The following SLC45A4 variants were observed in gnomAD, a reference collection of about 807,000 sequenced individuals.
The protein encoded by SLC45A4 is solute carrier family 45 member 4.
SLC45A4 carries 32 observed loss-of-function variants against 63.7 expected under a neutral mutation model. That is an observed-to-expected ratio of 0.50 (90% CI 0.38 to 0.67). The LOEUF is 0.67. Ranked by LOEUF, SLC45A4 falls within the 30% of genes least tolerant of loss-of-function variation. The probability of loss-of-function intolerance (pLI) is 0.00; values close to 1 mark genes in which losing one functional copy is unlikely to be tolerated. For missense variants in SLC45A4, 1,027 were observed against 1,157.7 expected, an observed-to-expected ratio of 0.89 and a Z score of 1.64; for synonymous variants, 535 against 510.0, an observed-to-expected ratio of 1.05 and a Z score of -0.66.
At position 141,212,563 on chromosome 8, in the gene SLC45A4, G is replaced by C; in HGVS notation, c.1942-7C>G. On this transcript the variant is annotated splice_region_variant and splice_polypyrimidine_tract_variant and intron_variant, in intron 7 of 8. Transcript: ENST00000517878. The stretch of plus-strand genomic sequence containing the variant: ...CGGGGCTGTGGTGGATGTACTGCAA[G>C]AGAGGAAACACGAGGCGGTGAGCGG... 1 of 1,592,138 alleles carries C rather than the reference G, an allele frequency of 6.3e-7. No individual in the cohort carries two copies. Among genetic ancestry groups the C allele is most frequent in the Non-Finnish European group, 8.6e-7 (1 of 1,167,286 alleles).
chr8:141,257,030 T>C (rs888261314), intron 1 of SLC45A4, among the ~76,000 whole-genome samples: 2 of 152,130 alleles, frequency 1.3e-5, no homozygotes, highest in African/African-American at 2.4e-5. Flanking sequence ...ACTTTTGTAT[T>C]TTTAGTAGAC....
rs761558750 is a variant in SLC45A4, at chr8:141,218,309, T to C, written c.1331A>G (p.Asn444Ser). The change falls in exon 5 of 9, where the codon AAC becomes AGC. Residue 444 changes from asparagine to serine, a missense_variant. Physicochemically the swap from Asn to Ser is conservative, Grantham distance 46. Coordinates refer to ENST00000517878, the MANE Select transcript of SLC45A4 (RefSeq NM_001286646.2). ...CGACGGCTTGATCAGCACCACGGCG[T>C]TGGCGCGCCGGTAGCGGTAGCAGTG... ...GSHCYRYRRANAVVLIKPSRS... is the reference protein window; with the variant it reads ...GSHCYRYRRASAVVLIKPSRS... 3 of 1,606,502 alleles carry C rather than the reference T, an allele frequency of 1.9e-6. No homozygotes were observed. Among genetic ancestry groups the C allele is most frequent in the South Asian group, 1.1e-5 (1 of 91,082 alleles).
intron 5 of SLC45A4, among the ~76,000 whole-genome samples, chr8:141,217,780 C>T (rs939579122): frequency 3.9e-5 from 6 of 152,254 alleles, no homozygotes; most frequent in African/African-American, 1.4e-4. Flanking sequence ...CTGCTCACCG[C>T]GGGCCTCACT....
At chr8:141,282,275 G>T (rs372625378) in intron 1 of SLC45A4, among the ~76,000 whole-genome samples, 1 of 152,168 alleles carries the variant, frequency 6.6e-6, no homozygotes, top group African/African-American at 2.4e-5. Flanking sequence ...GAGCAGAGCC[G>T]ACCTGACACT....
chr8:141,294,973 C>T (rs541990870), intron 1 of SLC45A4, among the ~76,000 whole-genome samples: 15 of 152,326 alleles, frequency 9.8e-5, no homozygotes, highest in Admixed American at 2.6e-4. Context: ...CATTCACACC[C>T]GGCAGAGTGG....
At chr8:141,243,317 G>C (rs528617514) in intron 2 of SLC45A4, among the ~76,000 whole-genome samples, 1 of 152,184 alleles carries the variant, frequency 6.6e-6, no homozygotes, top group Admixed American at 6.5e-5. Context: ...GCCCCCCGCC[G>C]CAGCAAGCAC....
chr8:141,307,921 G>A (rs899773552), intron 1 of SLC45A4, among the ~76,000 whole-genome samples, 175 bp downstream of exon 1: 1 of 151,108 alleles, frequency 6.6e-6, no homozygotes, highest in Non-Finnish European at 1.5e-5. Context: ...CGCAAGCCGG[G>A]TGGGGGCACG....
chr8:141,235,324 C>T (rs762074963), intron 2 of SLC45A4, among the ~76,000 whole-genome samples: 3 of 152,134 alleles, frequency 2.0e-5, no homozygotes, highest in Non-Finnish European at 4.4e-5. Context: ...GTCAGGTTAC[C>T]GTGAGGGGCA....
At chr8:141,276,253 A>AT (rs1286702488) in intron 1 of SLC45A4, among the ~76,000 whole-genome samples, 13 of 152,240 alleles carry the variant, frequency 8.5e-5, no homozygotes, top group South Asian at 8.3e-4. Context: ...CTAAAAACAG[A>AT]TTTTCTGGTT....
chr8:141,281,317 T>C (rs7843785), intron 1 of SLC45A4, among the ~76,000 whole-genome samples: 105,374 of 152,040 alleles, frequency 0.69, 36,797 homozygotes, highest in East Asian at 0.88. Flanking sequence ...CCAGCCTGGG[T>C]GACAGAGCAA....
intron 1 of SLC45A4, among the ~76,000 whole-genome samples, chr8:141,279,126 C>G (rs1321149716): frequency 6.6e-6 from 1 of 152,270 alleles, no homozygotes; most frequent in African/African-American, 2.4e-5. Flanking sequence ...TCTGCTGGTT[C>G]TCCTCTCACC....
At chr8:141,263,855 C>T (rs930168777) in intron 1 of SLC45A4, among the ~76,000 whole-genome samples, 61 of 151,956 alleles carry the variant, frequency 4.0e-4, no homozygotes, top group African/African-American at 1.5e-3. Context: ...GTCCTATCAC[C>T]TTGTCAAGGA....
Position 141,248,116 on chromosome 8 carries a change from T to C in SLC45A4, c.241+5873A>G, listed in dbSNP as rs951343909. Among the ~76,000 whole-genome samples the C allele has an allele frequency of 1.1e-4, 16 of 152,290 alleles. 1 individual carries two copies. The East Asian group carries it at 1.7e-3, about 17-fold the overall frequency. ...CTGCAGTGAGCCACGATCACAGTACTACACTCCAGCCCAGGCAATGCAGTG... is the reference window on the plus strand; with the variant it reads ...CTGCAGTGAGCCACGATCACAGTACCACACTCCAGCCCAGGCAATGCAGTG... On this transcript the variant is annotated intron_variant, in intron 2 of 8. Coordinates refer to ENST00000517878, the MANE Select transcript of SLC45A4 (RefSeq NM_001286646.2).
chr8:141,211,263 G>A lies in SLC45A4; in HGVS notation c.*309C>T. On this transcript the variant is annotated 3_prime_UTR_variant, in exon 9 of 9. Coordinates refer to ENST00000517878, the MANE Select transcript of SLC45A4 (RefSeq NM_001286646.2). ...TTTCCTTCCCCCTGACGTTGGGAGC[G>A]GTCTGGAGGGGCAACCTGGCCTCCT... The A allele has an allele frequency of 1.9e-6, 1 of 527,178 alleles. No individual in the cohort carries two copies. The highest frequency in any genetic ancestry group is 3.1e-6 in the Non-Finnish European group (1 of 317,686). 32.7% of individuals were successfully genotyped at this position (527,178 alleles called of 1,614,324 possible).
intron 1 of SLC45A4, among the ~76,000 whole-genome samples, chr8:141,300,275 C>G (rs548872480): frequency 3.9e-5 from 6 of 152,354 alleles, no homozygotes; most frequent in African/African-American, 1.4e-4. Flanking sequence ...CAAATCTCCT[C>G]TTATGTCATA....
rs1828189119 is a variant in SLC45A4, at chr8:141,246,277, A to C, written c.241+7712T>G. Among the ~76,000 whole-genome samples the C allele has an allele frequency of 2.6e-5, 4 of 152,196 alleles. No individual in the cohort carries two copies. The South Asian group carries it at 8.3e-4, about 31-fold the overall frequency. On this transcript the variant is annotated intron_variant, in intron 2 of 8. Transcript: ENST00000517878. The stretch of plus-strand genomic sequence containing the variant: ...TACTGGTTTCCTGCTGCTGCGTAAC[A>C]AACTGCACACCACCCAGCGGCACCG...
In SLC45A4 at chr8:141,212,131, CCCCGCCGCCCG is replaced by C. The variant is rs1352685609; in HGVS notation, c.2301+55_2301+65del. On this transcript the variant is annotated intron_variant, in intron 8 of 8. Transcript: ENST00000517878. ...GTCTCTGCTCCCGCCCATGGCCTGG[CCCCGCCGCCCG>C]CCCGCCCGCCCACCCGCCCACTGGA... 8.4e-6 allele frequency: 10 copies of C among 1,192,186 alleles called. No homozygotes were observed. The Admixed American group carries it at 1.8e-4, about 21-fold the overall frequency. The allele number at this position is 1,192,186 out of a possible 1,614,324, so 73.9% of individuals were successfully genotyped here.
rs1004464394 is a variant in SLC45A4, at chr8:141,297,072, G to A, written c.-401+11024C>T. Among the ~76,000 whole-genome samples, 11 of 152,208 alleles carry A rather than the reference G, an allele frequency of 7.2e-5. No homozygotes were observed. In the East Asian group the frequency reaches 1.9e-3, roughly 27 times the overall value. On this transcript the variant is annotated intron_variant, in intron 1 of 8. Coordinates refer to ENST00000517878, the MANE Select transcript of SLC45A4 (RefSeq NM_001286646.2). ...AGCAGTCTGACCACCCTAAGTTACTGAGTCCCCCCCAGGTTTGCCACACTG... is the reference window on the plus strand; with the variant it reads ...AGCAGTCTGACCACCCTAAGTTACTAAGTCCCCCCCAGGTTTGCCACACTG...
rs117660158 is a variant in SLC45A4, at chr8:141,236,465, C to T, written c.242-14700G>A. 3.5e-3 allele frequency among the ~76,000 whole-genome samples: 540 copies of T among 152,310 alleles called. 3 individuals carry two copies. The highest frequency in any genetic ancestry group is 6.8e-3 in the Middle Eastern group (2 of 294). ...CAAATAGTTCACAAGCTAGAAAATA[C>T]GTCTGCACATCCAAGTCCATGCTTC... is the stretch of plus-strand genomic sequence containing the variant. On this transcript the variant is annotated intron_variant, in intron 2 of 8. Transcript: ENST00000517878.
Sources: allele counts gnomAD v4.1 joint callset (sites outside exome capture counted in the v4.1 genomes callset), GRCh38; gene constraint gnomAD v4.1.1; transcripts MANE v1.5; gene names NCBI Gene and HGNC (gene_info 2026-07-23, HGNC 2026-07-21).